RIMS2: variants seen among roughly 807,000 people sequenced by gnomAD.
The protein encoded by RIMS2 is regulating synaptic membrane exocytosis 2.
Under a neutral mutation model 174.4 loss-of-function variants are expected in RIMS2, and 59 were observed. The ratio of observed to expected loss-of-function variants is 0.34; its 90% CI spans 0.27 to 0.42. The LOEUF is 0.42. Ranked by LOEUF, RIMS2 falls within the 10% of genes least tolerant of loss-of-function variation. RIMS2 has a pLI of 1.00. For missense variants in RIMS2, 1,620 were observed against 1,666.3 expected (o/e 0.97, Z 0.48); for synonymous variants, 606 against 572.5 (o/e 1.06, Z -0.84).
rs551110646 is a variant in RIMS2, at chr8:103,897,677, T to G, written c.1624+11454T>G. On this transcript the variant is annotated intron_variant, in intron 4 of 23. Transcript: ENST00000504942. ...ATGATTTATGACTAGATCTTTGCCC[T>G]CCACCAGGGCTAAGAGCATACCAAG... Among the ~76,000 whole-genome samples, 77 of 151,564 alleles carry G rather than the reference T, an allele frequency of 5.1e-4. 1 individual carries two copies. Among genetic ancestry groups the G allele is most frequent in the Non-Finnish European group, 9.9e-4 (67 of 67,994 alleles).
At chr8:104,020,112 C>G (rs188821460) in intron 19 of RIMS2, among the ~76,000 whole-genome samples, 1 of 151,758 alleles carries the variant, frequency 6.6e-6, no homozygotes, top group Non-Finnish European at 1.5e-5. Context: ...TTTACTTTTC[C>G]TATGAGATAG....
At chr8:103,949,124 C>CA (rs533642917) in intron 14 of RIMS2, among the ~76,000 whole-genome samples, 3,558 of 43,784 alleles carry the variant, frequency 0.081, 312 homozygotes, top group South Asian at 0.09. Flanking sequence ...GAGACTCTGT[C>CA]AAAAAAAAAA....
intron 14 of RIMS2, among the ~76,000 whole-genome samples, chr8:103,955,951 CT>C (rs1164711207): frequency 2.0e-5 from 3 of 152,122 alleles, no homozygotes. Flanking sequence ...TTCCTATACA[CT>C]AATAACAGAC....
At chr8:104,223,025 GTGTT>G (rs1372400162) in intron 19 of RIMS2, among the ~76,000 whole-genome samples, 2 of 152,252 alleles carry the variant, frequency 1.3e-5, no homozygotes, top group Admixed American at 6.5e-5. Flanking sequence ...TTTTTTGCCT[GTGTT>G]TGAGGAGCGT....
At chr8:103,629,291 A>G (rs2095858110) in intron 1 of RIMS2, among the ~76,000 whole-genome samples, 1 of 152,230 alleles carries the variant, frequency 6.6e-6, no homozygotes, top group Non-Finnish European at 1.5e-5. Context: ...TATAATCTGC[A>G]TATGAAGTCC....
At chr8:103,758,433 C>T (rs917996887) in intron 2 of RIMS2, among the ~76,000 whole-genome samples, 1 of 152,146 alleles carries the variant, frequency 6.6e-6, no homozygotes, top group Admixed American at 6.5e-5. Flanking sequence ...AAGTGTGTCC[C>T]ACTTGCCCAA....
At chr8:103,861,373 A>G (rs78084096) in intron 3 of RIMS2, among the ~76,000 whole-genome samples, 18,869 of 152,044 alleles carry the variant, frequency 0.12, 1,252 homozygotes, top group Middle Eastern at 0.22. Context: ...TCTTTATACA[A>G]TCAACTTTTG....
At chr8:104,158,691 G>A (rs2098741227) in intron 19 of RIMS2, among the ~76,000 whole-genome samples, 1 of 152,158 alleles carries the variant, frequency 6.6e-6, no homozygotes, top group African/African-American at 2.4e-5. Flanking sequence ...CTGCATAAAT[G>A]TCTTCTTTTG....
intron 3 of RIMS2, among the ~76,000 whole-genome samples, chr8:103,771,564 G>A (rs2098253873): frequency 6.6e-6 from 1 of 151,986 alleles, no homozygotes; most frequent in South Asian, 2.1e-4. Flanking sequence ...GAAGACCTAG[G>A]CCCTGTTCTC....
intron 19 of RIMS2, among the ~76,000 whole-genome samples, chr8:104,102,962 A>T (rs2097935159): frequency 1.3e-5 from 2 of 152,214 alleles, no homozygotes. Flanking sequence ...GAAGTAGTTA[A>T]TTTGTGAAAA....
At chr8:104,097,307 T>C (rs190343842) in intron 19 of RIMS2, among the ~76,000 whole-genome samples, 104 of 152,300 alleles carry the variant, frequency 6.8e-4, no homozygotes, top group African/African-American at 2.5e-3. Context: ...GGTAATTTTA[T>C]CCCATATTTT....
chr8:103,870,365 C>CACCACCAGA (rs2099104973), intron 3 of RIMS2, among the ~76,000 whole-genome samples: 1 of 150,160 alleles, frequency 6.7e-6, no homozygotes, highest in Admixed American at 6.6e-5. Flanking sequence ...CCACCACCAT[C>CACCACCAGA]ACCACCACCA....
chr8:104,251,241 G>C (rs1011218897), intron 23 of RIMS2, 78 bp downstream of exon 29: 1 of 1,232,374 alleles, frequency 8.1e-7, no homozygotes, highest in East Asian at 2.5e-5. Flanking sequence ...AATCTTTTCT[G>C]TTGTATTCTT....
At chr8:103,534,162 T>C (rs1040429691) in intron 1 of RIMS2, among the ~76,000 whole-genome samples, 5 of 152,220 alleles carry the variant, frequency 3.3e-5, no homozygotes, top group Non-Finnish European at 7.3e-5. Context: ...TGTGCTTACA[T>C]ATGGAATTTA....
At chr8:103,823,175 T>A (rs557183299) in intron 3 of RIMS2, among the ~76,000 whole-genome samples, 1 of 152,102 alleles carries the variant, frequency 6.6e-6, no homozygotes, top group East Asian at 1.9e-4. Context: ...TTGCTGTGAC[T>A]TCTGGCCACA....
chr8:103,522,217 C>A (rs1832042401), intron 1 of RIMS2, among the ~76,000 whole-genome samples: 2 of 151,942 alleles, frequency 1.3e-5, no homozygotes, highest in Non-Finnish European at 2.9e-5. Flanking sequence ...TTGCCTAGAC[C>A]TAACTAATAT....
intron 4 of RIMS2, among the ~76,000 whole-genome samples, chr8:103,894,460 C>A (rs906443435): frequency 6.6e-6 from 1 of 151,344 alleles, no homozygotes; most frequent in African/African-American, 2.4e-5. Context: ...AAATGCCAAG[C>A]TTTTAGTAGA....
intron 19 of RIMS2, among the ~76,000 whole-genome samples, chr8:104,157,752 G>A (rs952091372): frequency 6.6e-6 from 1 of 152,062 alleles, no homozygotes; most frequent in Non-Finnish European, 1.5e-5. Flanking sequence ...TTCACCTTCT[G>A]GCTATTGTGA....
chr8:103,967,347 C>T (rs562360362), intron 15 of RIMS2, among the ~76,000 whole-genome samples: 3 of 151,398 alleles, frequency 2.0e-5, no homozygotes, highest in East Asian at 3.9e-4. Context: ...TGTGCCACTA[C>T]ATCTGGCTAA....
Sources: gnomAD v4.1 joint callset for allele counts (sites outside exome capture counted in the v4.1 genomes callset) on GRCh38, gnomAD v4.1.1 for gene constraint, MANE v1.5 for transcripts, NCBI Gene and HGNC (gene_info 2026-07-23, HGNC 2026-07-21) for gene names.